Variants in MSTN observed in about 807,000 individuals in gnomAD.
The protein encoded by MSTN is myostatin, also known as growth/differentiation factor 8.
MSTN carries 12 observed loss-of-function variants against 32.3 expected under a neutral mutation model. The ratio of observed to expected loss-of-function variants is 0.37; its 90% confidence interval spans 0.24 to 0.60. The LOEUF (loss-of-function observed/expected upper bound fraction) is 0.60, where lower values mean the gene tolerates loss of function less well. Among genes scored for constraint, MSTN ranks in the 20% least tolerant of loss-of-function variants. The pLI is 0.67. For synonymous variants in MSTN, 168 were observed against 155.1 expected, an observed-to-expected ratio of 1.08 and a Z score of -0.62; for missense variants, 403 against 450.3, an observed-to-expected ratio of 0.89 and a Z score of 0.95.
Position 190,057,670 on chromosome 2 carries a change from T to C in MSTN, c.748-32A>G, listed in dbSNP as rs760332180. The C allele has an allele frequency of 1.4e-5, 23 of 1,610,538 alleles. 1 individual carries two copies. In the South Asian group the frequency reaches 2.5e-4, roughly 18 times the overall value. On this transcript the variant is annotated intron_variant, in intron 2 of 2. Transcript: ENST00000260950. ...GAAAAGGAAAGAACAATCAGTAATA[T>C]CAATAGGCCTGGAAACACTTTTCTA... is the stretch of plus-strand genomic sequence containing the variant.
rs1179526171 is a variant in MSTN at position 190,056,575 on chromosome 2, A to G, written c.*683T>C. 1 of 152,622 alleles carries G rather than the reference A, an allele frequency of 6.6e-6. No individual in the cohort carries two copies. Among genetic ancestry groups the G allele is most frequent in the Non-Finnish European group, 1.5e-5 (1 of 68,018 alleles). 9.5% of individuals were successfully genotyped at this position (152,622 alleles called of 1,614,324 possible). On this transcript the variant is annotated 3_prime_UTR_variant, in exon 3 of 3. Coordinates refer to ENST00000260950, the MANE Select transcript of MSTN (RefSeq NM_005259.3). ...ATTCTTCTTACATTAAAGAAAATCC[A>G]TTCCTCATTTGGAGGTGTAGGAAAA...
chr2:190,060,600 A>T (rs1264605462), intron 1 of MSTN, among the ~76,000 whole-genome samples, 165 bp from the exon 2 acceptor site: 1 of 152,052 alleles, frequency 6.6e-6, no homozygotes, highest in Non-Finnish European at 1.5e-5. Context: ...AATGTCAAAG[A>T]AAATAATTAC....
At position 190,062,427 on chromosome 2, in the gene MSTN, T is replaced by C; in HGVS notation, c.170A>G (p.Lys57Arg). Residue 57 changes from lysine (K) to arginine (R), a missense_variant, in exon 1 of 3, where the codon AAG (lysine) becomes AGG (arginine). Lys to Arg is a conservative substitution (Grantham distance 26). Transcript: ENST00000260950. ...NTKSSRIEAI[K>R]IQILSKLRLE... ...ACGAAGTTTACTGAGGATTTGTATC[T>C]TAATGGCTTCTATTCTTGAAGATTT... 6.2e-7 allele frequency: 1 copy of C among 1,613,580 alleles called. No individual in the cohort carries two copies. The highest frequency in any genetic ancestry group is 8.5e-7 in the Non-Finnish European group (1 of 1,179,620).
chr2:190,059,207 G>A (rs1007193187), intron 2 of MSTN, among the ~76,000 whole-genome samples: 1 of 151,912 alleles, frequency 6.6e-6, no homozygotes, highest in East Asian at 1.9e-4. Flanking sequence ...ATAGATGAAC[G>A]TAAAAAGATG....
intron 2 of MSTN, 59 bp from the exon 3 acceptor site, chr2:190,057,697 C>T: frequency 6.4e-7 from 1 of 1,566,590 alleles, no homozygotes; most frequent in South Asian, 1.1e-5. Context: ...ACTTTTCTAC[C>T]TACCTTAAGA....
intron 2 of MSTN, among the ~76,000 whole-genome samples, chr2:190,058,335 C>G (rs1036175659): frequency 5.9e-5 from 9 of 151,918 alleles, no homozygotes; most frequent in Non-Finnish European, 1.2e-4. Context: ...GACATATTAT[C>G]AATTTTGATC....
rs779290063 is a variant in MSTN at position 190,057,244 on chromosome 2, G to A, written c.*14C>T. 33 of 1,612,538 alleles carry A rather than the reference G, an allele frequency of 2.0e-5. No individual in the cohort carries two copies. In the East Asian group the frequency reaches 3.6e-4, roughly 17 times the overall value. ...TTCCATGTTTTAGGAAGTTATGAAC[G>A]CTTAATATAAATCTCATGAGCACCC... is the stretch of plus-strand genomic sequence containing the variant. On this transcript the variant is annotated 3_prime_UTR_variant, in exon 3 of 3. Transcript: ENST00000260950.
Position 190,057,080 on chromosome 2 carries a change from T to C in MSTN, c.*178A>G. 1.6e-6 allele frequency: 1 copy of C among 634,248 alleles called. No individual in the cohort carries two copies. The highest frequency in any genetic ancestry group is 2.2e-5 in the South Asian group (1 of 45,490). 39.3% of individuals were successfully genotyped at this position (634,248 alleles called of 1,614,324 possible). On this transcript the variant is annotated 3_prime_UTR_variant, in exon 3 of 3. Transcript: ENST00000260950. ...AACTTTCTTGTATGATTTGTTTGGA[T>C]GGTTAAATGCCAACCATTGCATATA...
Position 190,062,503 on chromosome 2 carries a change from T to G in MSTN, c.94A>C (p.Asn32His). Reference protein sequence around the residue: ...DLNENSEQKENVEKEGLCNAC... With the variant: ...DLNENSEQKEHVEKEGLCNAC... ...TTACACAGCCCCTCTTTTTCCACAT[T>G]TTCTTTTTGCTCACTGTTCTCATTT... The change falls in exon 1 of 3, where the codon AAT (asparagine) becomes CAT (histidine). Residue 32 changes from asparagine to histidine, a missense_variant. Transcript: ENST00000260950. 1 of 1,613,574 alleles carries G rather than the reference T, an allele frequency of 6.2e-7. No homozygotes were observed. Among genetic ancestry groups the G allele is most frequent in the South Asian group, 1.1e-5 (1 of 91,044 alleles).
At position 190,060,307 on chromosome 2, in the gene MSTN, T is replaced by C; in HGVS notation, c.502A>G (p.Thr168Ala). 1 of 1,613,114 alleles carries C rather than the reference T, an allele frequency of 6.2e-7. No individual in the cohort carries two copies. Among genetic ancestry groups the C allele is most frequent in the Non-Finnish European group, 8.5e-7 (1 of 1,179,302 alleles). Residue 168 changes from threonine to alanine, a missense_variant, in exon 2 of 3, where the codon ACA (threonine) becomes GCA (alanine). Physicochemically the swap from Thr to Ala is moderately conservative, Grantham distance 58. Transcript: ENST00000260950. Reference protein sequence around the residue: ...IYLRPVETPTTVFVQILRLIK... With the variant: ...IYLRPVETPTAVFVQILRLIK... ...AGTCTCAGGATTTGCACAAACACTGTTGTAGGAGTCTCGACGGGTCTCAAA... is the reference window on the plus strand; with the variant it reads ...AGTCTCAGGATTTGCACAAACACTGCTGTAGGAGTCTCGACGGGTCTCAAA...
intron 2 of MSTN, among the ~76,000 whole-genome samples, chr2:190,058,667 T>C (rs1685507138): frequency 6.6e-6 from 1 of 151,930 alleles, no homozygotes; most frequent in Admixed American, 6.6e-5. Flanking sequence ...TGGAATACTA[T>C]TTAACCATAA....
intron 1 of MSTN, among the ~76,000 whole-genome samples, chr2:190,061,626 CTA>C (rs1384841640): frequency 6.6e-6 from 1 of 151,920 alleles, no homozygotes; most frequent in Non-Finnish European, 1.5e-5. Context: ...GATTATTATG[CTA>C]TGTTTACTTC....
At position 190,060,102 on chromosome 2, in the gene MSTN, T is replaced by G; in HGVS notation, c.707A>C (p.Asp236Ala). The G allele has an allele frequency of 6.2e-7, 1 of 1,612,798 alleles. No individual in the cohort carries two copies. Among genetic ancestry groups the G allele is most frequent in the East Asian group, 2.2e-5 (1 of 44,846 alleles). ...TGGTCCTGGGAAGGTTACAGCAAGA[T>G]CATGACCATTCTCATCTAAAGCTTT... ...EIKALDENGH[D>A]LAVTFPGPGE... is the part of the protein sequence containing the mutation. The change falls in exon 2 of 3, where the codon GAT becomes GCT. Residue 236 changes from aspartate to alanine, a missense_variant. Coordinates refer to ENST00000260950, the MANE Select transcript of MSTN (RefSeq NM_005259.3).
At position 190,060,175 on chromosome 2, in the gene MSTN, A is replaced by C; in HGVS notation, c.634T>G (p.Leu212Val). The change falls in exon 2 of 3, where the codon TTG becomes GTG. Residue 212 changes from leucine to valine, a missense_variant. By Grantham distance (32) the Leu-to-Val change is conservative (BLOSUM62 1). Coordinates refer to ENST00000260950, the MANE Select transcript of MSTN (RefSeq NM_005259.3). ...IWQSIDVKTV[L>V]QNWLKQPESN... Reference sequence around the variant, plus strand: ...TCAGGTTGTTTGAGCCAATTTTGCAACACTGTCTTCACATCAATGCTCTGC... The same window carrying C: ...TCAGGTTGTTTGAGCCAATTTTGCACCACTGTCTTCACATCAATGCTCTGC... 1 of 1,613,112 alleles carries C rather than the reference A, an allele frequency of 6.2e-7. No individual in the cohort carries two copies. The highest frequency in any genetic ancestry group is 1.7e-5 in the Admixed American group (1 of 59,954).
chr2:190,059,197 A>G (rs1685525908), intron 2 of MSTN, among the ~76,000 whole-genome samples: 1 of 151,994 alleles, frequency 6.6e-6, no homozygotes, highest in Non-Finnish European at 1.5e-5. Flanking sequence ...AATTATATCA[A>G]TAGATGAACG....
In MSTN at chr2:190,059,404, T is replaced by C. The variant is rs146209367; in HGVS notation, c.747+658A>G. ...TTTTGCACAAGAATGCTAAGGCAGC[T>C]CAGAAATAAGCTAGGTGGCAAAGGT... On this transcript the variant is annotated intron_variant, in intron 2 of 2. Coordinates refer to ENST00000260950, the MANE Select transcript of MSTN (RefSeq NM_005259.3). Among the ~76,000 whole-genome samples, 1,107 of 152,088 alleles carry C rather than the reference T, an allele frequency of 7.3e-3. 9 individuals are homozygous for C. Among genetic ancestry groups the C allele is most frequent in the Middle Eastern group, 0.014 (4 of 294 alleles).
chr2:190,060,511 C>A, intron 1 of MSTN, 76 bp from the exon 2 acceptor site: 1 of 1,358,038 alleles, frequency 7.4e-7, no homozygotes, highest in Non-Finnish European at 1.0e-6. Flanking sequence ...AATAGTTGAG[C>A]ATTTTTTTAA....
chr2:190,061,730 C>CA (rs935060890), intron 1 of MSTN, among the ~76,000 whole-genome samples: 6 of 150,874 alleles, frequency 4.0e-5, no homozygotes, highest in African/African-American at 1.5e-4. Context: ...CTGTGAAGAA[C>CA]AAAAAAATTA....
chr2:190,060,636 G>A (rs369029405), intron 1 of MSTN, among the ~76,000 whole-genome samples: 2 of 151,932 alleles, frequency 1.3e-5, no homozygotes, highest in Non-Finnish European at 2.9e-5. Flanking sequence ...TTTTTCAGAC[G>A]TATGTATTTT....
Sources: allele counts gnomAD v4.1 joint callset (sites outside exome capture counted in the v4.1 genomes callset), GRCh38; gene constraint gnomAD v4.1.1; transcripts MANE v1.5; gene names NCBI Gene and HGNC (gene_info 2026-07-23, HGNC 2026-07-21).